KMT2C: variants seen among roughly 807,000 people sequenced by gnomAD.
KMT2C encodes lysine methyltransferase 2C.
KMT2C carries 88 observed loss-of-function variants against 507.9 expected under a neutral mutation model. The ratio of observed to expected loss-of-function variants is 0.17; its 90% CI spans 0.15 to 0.21. The LOEUF (loss-of-function observed/expected upper bound fraction) is 0.21, where lower values mean the gene tolerates loss of function less well. Among genes scored for constraint, KMT2C ranks in the 10% least tolerant of loss-of-function variants. KMT2C has a pLI of 1.00. For synonymous variants in KMT2C, 2,049 were observed against 2,080.8 expected, an observed-to-expected ratio of 0.98 and a Z score of 0.42; for missense variants, 4,954 against 5,957.8, an observed-to-expected ratio of 0.83 and a Z score of 5.55.
chr7:152,373,249 T>G (rs2097305136), intron 1 of KMT2C, among the ~76,000 whole-genome samples: 1 of 152,220 alleles, frequency 6.6e-6, no homozygotes, highest in Admixed American at 6.5e-5. Context: ...TATTATTTGT[T>G]TATTACTGTC....
At position 152,224,101 on chromosome 7, in the gene KMT2C, A is replaced by G. The variant is rs1346095168; in HGVS notation, c.3237T>C (p.Ala1079=). ...GACAGGAAGATAAGCTTGCACAAGGAGCGCACTGTGTGTAATTGTTCTGCC... is the reference window on the plus strand; with the variant it reads ...GACAGGAAGATAAGCTTGCACAAGGGGCGCACTGTGTGTAATTGTTCTGCC... ...CEWQNNYTQC[A]PCASLSSCPV... is the part of the protein sequence containing the mutation. The change falls in exon 20 of 59, where the codon GCT becomes GCC. Residue 1079 remains alanine, a synonymous_variant. Transcript: ENST00000262189. 2.5e-6 allele frequency: 4 copies of G among 1,609,986 alleles called. No individual in the cohort carries two copies. In the Admixed American group the frequency reaches 5.0e-5, roughly 20 times the overall value.
At chr7:152,294,006 GCAC>G (rs2096461777) in intron 6 of KMT2C, among the ~76,000 whole-genome samples, 1 of 148,912 alleles carries the variant, frequency 6.7e-6, no homozygotes, top group Non-Finnish European at 1.5e-5. Context: ...CTACAGGTGT[GCAC>G]CACCACACCT....
chr7:152,315,445 A>G, intron 3 of KMT2C, 107 bp from the exon 4 acceptor site: 1 of 739,600 alleles, frequency 1.4e-6, no homozygotes, highest in Non-Finnish European at 2.2e-6. Context: ...CTAAAGCACA[A>G]GCTAAGCTTT....
chr7:152,334,588 C>G (rs2096916692), intron 2 of KMT2C, among the ~76,000 whole-genome samples: 1 of 152,164 alleles, frequency 6.6e-6, no homozygotes, highest in Admixed American at 6.5e-5. Context: ...CAAACCATGG[C>G]AAGTTCTCAC....
At chr7:152,137,498 G>C (rs1370526404) in intron 58 of KMT2C, 1 of 152,550 alleles carries the variant, frequency 6.6e-6, no homozygotes, top group African/African-American at 2.4e-5. Flanking sequence ...CACCACCCCA[G>C]AGAGAGCCGA....
intron 44 of KMT2C, chr7:152,157,624 AC>A (rs997553375): frequency 4.7e-6 from 2 of 421,942 alleles, no homozygotes; most frequent in Non-Finnish European, 7.0e-6. Flanking sequence ...TAAAATTTTA[AC>A]CCTGTAGCTG....
chr7:152,164,801 A>G (rs2092656992), intron 42 of KMT2C, among the ~76,000 whole-genome samples: 1 of 152,248 alleles, frequency 6.6e-6, no homozygotes, highest in South Asian at 2.1e-4. Context: ...AATTCATTCC[A>G]AAAACCTTTG....
chr7:152,343,170 T>G (rs556327468), intron 2 of KMT2C, among the ~76,000 whole-genome samples: 1 of 152,160 alleles, frequency 6.6e-6, no homozygotes, highest in Admixed American at 6.5e-5. Flanking sequence ...CAGGAAGGAA[T>G]TTGAAATGAT....
intron 7 of KMT2C, among the ~76,000 whole-genome samples, chr7:152,268,242 G>A (rs911102237): frequency 2.0e-5 from 3 of 152,018 alleles, no homozygotes; most frequent in Admixed American, 6.6e-5. Context: ...TTGCGCCACT[G>A]CACTCCAGCC....
At chr7:152,234,017 C>T (rs931694805) in intron 16 of KMT2C, among the ~76,000 whole-genome samples, 2 of 151,748 alleles carry the variant, frequency 1.3e-5, no homozygotes, top group African/African-American at 4.8e-5. Flanking sequence ...CGCCAGTAAT[C>T]CCAGCTACTC....
At chr7:152,211,762 G>GT (rs1461084262) in intron 23 of KMT2C, among the ~76,000 whole-genome samples, 2 of 152,124 alleles carry the variant, frequency 1.3e-5, no homozygotes, top group Non-Finnish European at 2.9e-5. Context: ...GAAAAAGACC[G>GT]TATCGGCCAG....
rs2096710324 is a variant in KMT2C at position 152,315,044 on chromosome 7, G to T, written c.590+94C>A. 9.2e-6 allele frequency: 10 copies of T among 1,090,400 alleles called. No individual in the cohort carries two copies. In the South Asian group the frequency reaches 1.5e-4, roughly 16 times the overall value. The allele number at this position is 1,090,400 out of a possible 1,614,324, so 67.5% of individuals were successfully genotyped here. On this transcript the variant is annotated intron_variant, in intron 4 of 58. Transcript: ENST00000262189. ...GAGAACAGGAGAAACTGTTCAACAA[G>T]AACAATCCCATTTGAAAATTTATAA...
chr7:152,165,176 A>C (rs1030441452), intron 42 of KMT2C, among the ~76,000 whole-genome samples: 2 of 152,270 alleles, frequency 1.3e-5, no homozygotes, highest in Non-Finnish European at 2.9e-5. Flanking sequence ...GAAAGCACCT[A>C]CAACACTATG....
chr7:152,335,916 GT>G (rs71533560), intron 2 of KMT2C, among the ~76,000 whole-genome samples: 4 of 147,532 alleles, frequency 2.7e-5, no homozygotes, highest in South Asian at 2.1e-4. Context: ...GGGTTTTTTT[GT>G]TTTTTTTTTG....
chr7:152,294,608 A>C (rs1235755232), intron 6 of KMT2C, among the ~76,000 whole-genome samples: 1 of 151,830 alleles, frequency 6.6e-6, no homozygotes, highest in East Asian at 1.9e-4. Context: ...CTCCAGCATG[A>C]GCAACACAGC....
chr7:152,236,619 TCAA>T (rs2095280278), intron 15 of KMT2C, among the ~76,000 whole-genome samples: 2 of 152,204 alleles, frequency 1.3e-5, no homozygotes, highest in Non-Finnish European at 2.9e-5. Context: ...CCTTCACTAT[TCAA>T]CAGTTCTCTT....
intron 6 of KMT2C, among the ~76,000 whole-genome samples, chr7:152,296,608 A>C (rs1304594353): frequency 6.6e-6 from 1 of 152,052 alleles, no homozygotes; most frequent in Non-Finnish European, 1.5e-5. Context: ...TCTTTTGCTC[A>C]TGAGAGGAAC....
intron 2 of KMT2C, among the ~76,000 whole-genome samples, chr7:152,339,988 A>T: frequency 6.6e-6 from 1 of 151,674 alleles, no homozygotes; most frequent in East Asian, 1.9e-4. Flanking sequence ...GCTTTAATCA[A>T]CTTTTTTTTT....
At position 152,365,277 on chromosome 7, in the gene KMT2C, G is replaced by A. The variant is rs370649985; in HGVS notation, c.162-6602C>T. On this transcript the variant is annotated intron_variant, in intron 1 of 58. Coordinates refer to ENST00000262189, the MANE Select transcript of KMT2C (RefSeq NM_170606.3). ...TATAATCCCAGCACTTTGGGAAGCC[G>A]AGGCAGGCGGATCACCTGAGGTCGA... Among the ~76,000 whole-genome samples, 8 of 152,210 alleles carry A rather than the reference G, an allele frequency of 5.3e-5. No homozygotes were observed. In the East Asian group the frequency reaches 1.5e-3, roughly 29 times the overall value.
Sources: allele counts gnomAD v4.1 joint callset (sites outside exome capture counted in the v4.1 genomes callset), GRCh38; gene constraint gnomAD v4.1.1; transcripts MANE v1.5; gene names NCBI Gene and HGNC (gene_info 2026-07-23, HGNC 2026-07-21).